The following IQCM variants were observed in gnomAD, a reference collection of about 807,000 sequenced individuals.
IQCM encodes the protein IQ domain-containing protein M.
IQCM carries 45 observed loss-of-function variants against 57.6 expected under a neutral mutation model. The observed-to-expected ratio is 0.78, with a 90% CI of 0.62 to 1.00. The LOEUF (loss-of-function observed/expected upper bound fraction) is 1.00, where lower values mean the gene tolerates loss of function less well. Among genes scored for constraint, IQCM ranks in the 50% least tolerant of loss-of-function variants. The probability of loss-of-function intolerance (pLI) is 0.00; values close to 1 mark genes in which losing one functional copy is unlikely to be tolerated. For synonymous variants in IQCM, 148 were observed against 158.9 expected, an observed-to-expected ratio of 0.93 and a Z score of 0.51; for missense variants, 468 against 511.6, an observed-to-expected ratio of 0.91 and a Z score of 0.82.
At chr4:149,376,415 T>G (rs902615909) in intron 13 of IQCM, among the ~76,000 whole-genome samples, 1 of 152,150 alleles carries the variant, frequency 6.6e-6, no homozygotes, top group Non-Finnish European at 1.5e-5. Flanking sequence ...TCTAAAGCGA[T>G]AAACTGCAGA....
At chr4:149,636,032 A>G (rs887892211) in intron 7 of IQCM, among the ~76,000 whole-genome samples, 1 of 152,230 alleles carries the variant, frequency 6.6e-6, no homozygotes, top group African/African-American at 2.4e-5. Context: ...GTAGAGTTCT[A>G]TGTTTACTTT....
At chr4:149,553,621 A>G (rs1288673015) in intron 10 of IQCM, among the ~76,000 whole-genome samples, 6 of 152,182 alleles carry the variant, frequency 3.9e-5, no homozygotes, top group Non-Finnish European at 8.8e-5. Flanking sequence ...TTATTAAGGT[A>G]TTATTCTGTA....
intron 7 of IQCM, among the ~76,000 whole-genome samples, chr4:149,647,995 T>C (rs1264272141): frequency 2.6e-5 from 4 of 152,210 alleles, no homozygotes; most frequent in African/African-American, 9.6e-5. Flanking sequence ...TTACCTCTTC[T>C]CTACTGCATC....
At chr4:149,806,536 G>A (rs947952743) in intron 2 of IQCM, among the ~76,000 whole-genome samples, 1 of 151,882 alleles carries the variant, frequency 6.6e-6, no homozygotes, top group Non-Finnish European at 1.5e-5. Context: ...ACCTTCATGA[G>A]ATACATTTGT....
intron 5 of IQCM, among the ~76,000 whole-genome samples, chr4:149,727,595 CCTT>C (rs1386906699): frequency 6.6e-6 from 1 of 152,102 alleles, no homozygotes; most frequent in African/African-American, 2.4e-5. Flanking sequence ...CTGTCCGAAA[CCTT>C]CTGAGAAGCT....
chr4:149,815,057 A>G (rs1356078549), intron 2 of IQCM, among the ~76,000 whole-genome samples: 2 of 152,040 alleles, frequency 1.3e-5, no homozygotes, highest in African/African-American at 4.8e-5. Context: ...CTTCTCAAAT[A>G]AGTGGTGGTC....
At chr4:149,562,936 T>C (rs749237806) in intron 10 of IQCM, among the ~76,000 whole-genome samples, 2 of 152,190 alleles carry the variant, frequency 1.3e-5, no homozygotes, top group Non-Finnish European at 2.9e-5. Flanking sequence ...TGGGCACTAC[T>C]AATCTATTTT....
At chr4:149,378,766 G>A (rs187925335) in intron 13 of IQCM, among the ~76,000 whole-genome samples, 2 of 152,294 alleles carry the variant, frequency 1.3e-5, no homozygotes, top group Admixed American at 6.5e-5. Context: ...CAAGCCGGCT[G>A]CAGAAATTTG....
intron 12 of IQCM, among the ~76,000 whole-genome samples, chr4:149,532,295 G>T (rs528452439): frequency 2.6e-5 from 4 of 152,172 alleles, no homozygotes; most frequent in African/African-American, 9.6e-5. Context: ...TGATGCCAGG[G>T]TCCATTAGGG....
At chr4:149,564,972 TA>T (rs1235148231) in intron 9 of IQCM, among the ~76,000 whole-genome samples, 1 of 152,226 alleles carries the variant, frequency 6.6e-6, no homozygotes, top group Non-Finnish European at 1.5e-5. Flanking sequence ...TTTATATGTA[TA>T]TACCTGTTAT....
chr4:149,450,051 T>C (rs114632266), intron 12 of IQCM, among the ~76,000 whole-genome samples: 3,761 of 151,564 alleles, frequency 0.025, 66 homozygotes, highest in Non-Finnish European at 0.039. Context: ...CAGAAACAAA[T>C]CCACACATCT....
chr4:149,813,988 G>C (rs2150072969), intron 2 of IQCM, among the ~76,000 whole-genome samples: 1 of 152,164 alleles, frequency 6.6e-6, no homozygotes, highest in South Asian at 2.1e-4. Context: ...TGAGCATGCT[G>C]TAATCCAGGG....
chr4:149,753,584 G>C (rs957351146), intron 2 of IQCM, among the ~76,000 whole-genome samples: 1 of 151,846 alleles, frequency 6.6e-6, no homozygotes, highest in Admixed American at 6.6e-5. Context: ...TATAAAGGAG[G>C]GTGTGGGGAG....
At chr4:149,616,807 C>A (rs909098050) in intron 8 of IQCM, among the ~76,000 whole-genome samples, 50 of 151,962 alleles carry the variant, frequency 3.3e-4, no homozygotes, top group African/African-American at 1.2e-3. Context: ...AACCTATGTT[C>A]CAGGTTGATA....
chr4:149,749,346 G>A (rs534171876), intron 2 of IQCM, among the ~76,000 whole-genome samples: 4 of 152,100 alleles, frequency 2.6e-5, no homozygotes, highest in Non-Finnish European at 5.9e-5. Context: ...TTTATACAAT[G>A]GAATATTTCA....
chr4:149,461,553 C>G (rs1255719334), intron 12 of IQCM, among the ~76,000 whole-genome samples: 3 of 151,218 alleles, frequency 2.0e-5, no homozygotes, highest in Non-Finnish European at 4.4e-5. Context: ...ACTTGGGTGG[C>G]TAAGCTGGGA....
intron 5 of IQCM, among the ~76,000 whole-genome samples, chr4:149,699,323 A>G (rs1340787456): frequency 6.6e-6 from 1 of 152,076 alleles, no homozygotes; most frequent in Non-Finnish European, 1.5e-5. Context: ...AGGAAATAAT[A>G]CCAATTATCT....
At chr4:149,750,771 G>A (rs559728377) in intron 2 of IQCM, among the ~76,000 whole-genome samples, 2 of 152,104 alleles carry the variant, frequency 1.3e-5, no homozygotes, top group East Asian at 3.9e-4. Context: ...GAGATGTTTG[G>A]GACACTATGT....
intron 12 of IQCM, among the ~76,000 whole-genome samples, chr4:149,443,834 T>C (rs1278839056): frequency 6.6e-6 from 1 of 151,868 alleles, no homozygotes; most frequent in Non-Finnish European, 1.5e-5. Flanking sequence ...AAAGTACAAA[T>C]GCTAGAATCC....
Sources: gnomAD v4.1 joint callset for allele counts (sites outside exome capture counted in the v4.1 genomes callset) on GRCh38, gnomAD v4.1.1 for gene constraint, MANE v1.5 for transcripts, NCBI Gene and HGNC (gene_info 2026-07-23, HGNC 2026-07-21) for gene names.